TSPAN9: variants seen among roughly 807,000 people sequenced by gnomAD.
The protein encoded by TSPAN9 is tetraspanin 9.
Under a neutral mutation model 31.0 loss-of-function variants are expected in TSPAN9, and 16 were observed. The ratio of observed to expected loss-of-function variants is 0.52; its 90% CI spans 0.35 to 0.78. The LOEUF is 0.78. Ranked by LOEUF, TSPAN9 falls within the 30% of genes least tolerant of loss-of-function variation. The pLI, the probability that TSPAN9 is intolerant of heterozygous loss-of-function variation, is 0.01. For missense variants in TSPAN9, 272 were observed against 312.5 expected (o/e 0.87, Z 0.98); for synonymous variants, 145 against 121.6 (o/e 1.19, Z -1.27).
At chr12:3,118,263 T>TTTTTTTTTTTTTTTTTG (rs2098323466) in intron 2 of TSPAN9, among the ~76,000 whole-genome samples, 1 of 60,006 alleles carries the variant, frequency 1.7e-5, no homozygotes, top group Non-Finnish European at 3.4e-5. Flanking sequence ...GCCGTTTTTT[T>TTTTTTTTTTTTTTTTTG]TTTTTTTTTT....
At chr12:3,180,417 T>TAGTC (rs2098358059) in intron 2 of TSPAN9, among the ~76,000 whole-genome samples, 1 of 151,700 alleles carries the variant, frequency 6.6e-6, no homozygotes, top group Non-Finnish European at 1.5e-5. Flanking sequence ...TTGAAGAGTG[T>TAGTC]AGTCAGCTGT....
At chr12:3,085,055 G>A (rs2098299745) in intron 2 of TSPAN9, among the ~76,000 whole-genome samples, 1 of 152,204 alleles carries the variant, frequency 6.6e-6, no homozygotes, top group Admixed American at 6.5e-5. Context: ...TAGGCACATG[G>A]GCTTGGGTGG....
Position 3,221,567 on chromosome 12 carries a change from C to G in TSPAN9, c.63+20311C>G, listed in dbSNP as rs1591686557. Reference sequence around the variant, plus strand: ...AGAGACAGAGTTTCACCATGTTGGCCAGGCTGGTCTTGAACTCCTGACCTC... The same window carrying G: ...AGAGACAGAGTTTCACCATGTTGGCGAGGCTGGTCTTGAACTCCTGACCTC... On this transcript the variant is annotated intron_variant, in intron 3 of 8. Transcript: ENST00000011898. 3.3e-5 allele frequency among the ~76,000 whole-genome samples: 5 copies of G among 152,218 alleles called. No individual in the cohort carries two copies. The South Asian group carries it at 1.0e-3, about 32-fold the overall frequency.
rs74560206 is a variant in TSPAN9, at chr12:3,223,440, C to T, written c.63+22184C>T. Among the ~76,000 whole-genome samples, 743 of 152,276 alleles carry T rather than the reference C, an allele frequency of 4.9e-3. 5 individuals are homozygous for T. Among genetic ancestry groups the T allele is most frequent in the African/African-American group, 0.017 (693 of 41,550 alleles). On this transcript the variant is annotated intron_variant, in intron 3 of 8. Coordinates refer to ENST00000011898, the MANE Select transcript of TSPAN9 (RefSeq NM_006675.5). Reference sequence around the variant, plus strand: ...ATGTGGGACAGGGACCTCGTTTGTTCCAGAGCCTGTTCCAACCCTCCCTGG... The same window carrying T: ...ATGTGGGACAGGGACCTCGTTTGTTTCAGAGCCTGTTCCAACCCTCCCTGG...
intron 2 of TSPAN9, among the ~76,000 whole-genome samples, chr12:3,122,702 G>C (rs1007909857): frequency 4.6e-5 from 7 of 152,168 alleles, no homozygotes. Context: ...GCAGGGAGGT[G>C]GCGTCCACTT....
At chr12:3,109,289 TGTGTGTGTGTGAGAGAGA>T (rs1352909703) in intron 2 of TSPAN9, among the ~76,000 whole-genome samples, 4 of 123,584 alleles carry the variant, frequency 3.2e-5, no homozygotes, top group Admixed American at 1.5e-4. Flanking sequence ...TGTGTGTGTG[TGTGTGTGTGTGAGAGAGA>T]GTGTGTGTGT....
intron 2 of TSPAN9, among the ~76,000 whole-genome samples, chr12:3,160,053 C>T (rs1042495126): frequency 6.6e-5 from 10 of 152,048 alleles, no homozygotes; most frequent in African/African-American, 2.2e-4. Flanking sequence ...AGAAAGAAAC[C>T]CCATACCCAC....
intron 3 of TSPAN9, among the ~76,000 whole-genome samples, chr12:3,249,820 C>T (rs1259487710): frequency 6.6e-6 from 1 of 152,166 alleles, no homozygotes; most frequent in Non-Finnish European, 1.5e-5. Context: ...GATTTGAACT[C>T]TGGATGTCAG....
intron 3 of TSPAN9, among the ~76,000 whole-genome samples, chr12:3,266,205 G>A (rs1452085072): frequency 6.6e-6 from 1 of 152,162 alleles, no homozygotes; most frequent in Admixed American, 6.5e-5. Flanking sequence ...AAAGAGCCAG[G>A]CAGATGACCC....
chr12:3,252,130 C>T (rs543931806), intron 3 of TSPAN9, among the ~76,000 whole-genome samples: 4 of 152,308 alleles, frequency 2.6e-5, no homozygotes, highest in South Asian at 2.1e-4. Context: ...GAGCGCCCCC[C>T]GCACTTAAAA....
chr12:3,162,728 A>G lies in TSPAN9; in HGVS notation c.-17-38449A>G, dbSNP rs546241217. Reference sequence around the variant, plus strand: ...CCCTCAGCTCTTTCTCAGCAGAGCTAATAGGTCCCCCGGGTAGATTTAAGG... The same window carrying G: ...CCCTCAGCTCTTTCTCAGCAGAGCTGATAGGTCCCCCGGGTAGATTTAAGG... On this transcript the variant is annotated intron_variant, in intron 2 of 8. Transcript: ENST00000011898. 2.0e-5 allele frequency among the ~76,000 whole-genome samples: 3 copies of G among 152,334 alleles called. No homozygotes were observed. The East Asian group carries it at 5.8e-4, about 29-fold the overall frequency.
intron 2 of TSPAN9, among the ~76,000 whole-genome samples, chr12:3,117,291 T>A (rs1227207264): frequency 6.6e-6 from 1 of 152,134 alleles, no homozygotes; most frequent in Non-Finnish European, 1.5e-5. Flanking sequence ...TCATTTCCTA[T>A]CCTGATAGGG....
intron 3 of TSPAN9, among the ~76,000 whole-genome samples, chr12:3,240,290 G>T (rs1468765766): frequency 6.6e-6 from 1 of 152,160 alleles, no homozygotes; most frequent in Non-Finnish European, 1.5e-5. Context: ...TACGGGGAGA[G>T]AGAGAGTTGT....
chr12:3,281,291 G>A lies in TSPAN9; in HGVS notation c.526G>A (p.Gly176Ser), dbSNP rs780086976. ...PDRCCMENSQ[G>S]CGRNATTPLW... ...CCGCTGCTGCATGGAGAACTCCCAGGGCTGCGGGCGCAACGCCACCACGCC... is the reference window on the plus strand; with the variant it reads ...CCGCTGCTGCATGGAGAACTCCCAGAGCTGCGGGCGCAACGCCACCACGCC... Residue 176 changes from glycine (G) to serine (S), a missense_variant, in exon 7 of 9, where the codon GGC becomes AGC. Transcript: ENST00000011898. 1.3e-6 allele frequency: 2 copies of A among 1,551,190 alleles called. No homozygotes were observed. The highest frequency in any genetic ancestry group is 2.4e-5 in the South Asian group (2 of 84,058).
chr12:3,217,658 G>T (rs890959381), intron 3 of TSPAN9, among the ~76,000 whole-genome samples: 1 of 152,146 alleles, frequency 6.6e-6, no homozygotes, highest in Non-Finnish European at 1.5e-5. Context: ...ACCAGAACCC[G>T]CAGGGACTCA....
chr12:3,186,550 G>GTT (rs1555149374), intron 2 of TSPAN9, among the ~76,000 whole-genome samples: 1 of 45,912 alleles, frequency 2.2e-5, no homozygotes, highest in Non-Finnish European at 5.9e-5. Flanking sequence ...GTTTGTTTGT[G>GTT]TGTGTGTGTG....
chr12:3,280,501 C>G lies in TSPAN9; in HGVS notation c.432+18C>G, dbSNP rs1862874070. 1 of 1,607,038 alleles carries G rather than the reference C, an allele frequency of 6.2e-7. No homozygotes were observed. Among genetic ancestry groups the G allele is most frequent in the Middle Eastern group, 1.7e-4 (1 of 6,050 alleles). ...AGGCTGAGGTGCGGGCTGGGCCGCC[C>G]TGGTGGGGCCAGGCAGGGAGGAGGG... On this transcript the variant is annotated intron_variant, in intron 6 of 8. Transcript: ENST00000011898. This position sits in a 1 kb window ranked among gnomAD's most constrained non-coding sequence, Gnocchi z 4.5.
chr12:3,224,946 A>T lies in TSPAN9; in HGVS notation c.63+23690A>T, dbSNP rs111532185. Among the ~76,000 whole-genome samples the T allele has an allele frequency of 3.6e-3, 545 of 152,164 alleles. 4 individuals carry two copies. The highest frequency in any genetic ancestry group is 0.013 in the African/African-American group (529 of 41,528). ...GGCCACGCTCCCATGGCTCATCCCG[A>T]TGGGGCAGCCAGAGCTTCAGAATTC... is the stretch of plus-strand genomic sequence containing the variant. On this transcript the variant is annotated intron_variant, in intron 3 of 8. Coordinates refer to ENST00000011898, the MANE Select transcript of TSPAN9 (RefSeq NM_006675.5).
At chr12:3,123,756 C>A (rs183393786) in intron 2 of TSPAN9, among the ~76,000 whole-genome samples, 1 of 152,232 alleles carries the variant, frequency 6.6e-6, no homozygotes, top group African/African-American at 2.4e-5. Flanking sequence ...ATGGTTACTC[C>A]CATTTTACAG....
Sources: gnomAD v4.1 joint callset for allele counts (sites outside exome capture counted in the v4.1 genomes callset) on GRCh38, gnomAD v4.1.1 for gene constraint, Gnocchi (gnomAD v3.1) non-coding constraint, MANE v1.5 for transcripts, NCBI Gene and HGNC (gene_info 2026-07-23, HGNC 2026-07-21) for gene names.